The following LRRTM4 variants were observed in gnomAD, a reference collection of about 807,000 sequenced individuals.
LRRTM4 encodes leucine rich repeat transmembrane neuronal 4.
Under a neutral mutation model 47.6 loss-of-function variants are expected in LRRTM4, and 25 were observed. The observed-to-expected ratio is 0.53, with a 90% confidence interval of 0.38 to 0.73. The LOEUF (loss-of-function observed/expected upper bound fraction) is 0.73, where lower values mean the gene tolerates loss of function less well. Among genes scored for constraint, LRRTM4 ranks in the 30% least tolerant of loss-of-function variants. LRRTM4 has a pLI of 0.00. For synonymous variants in LRRTM4, 311 were observed against 269.5 expected, an observed-to-expected ratio of 1.15 and a Z score of -1.51; for missense variants, 638 against 713.4, an observed-to-expected ratio of 0.89 and a Z score of 1.20.
chr2:77,087,792 T>G (rs1259488638), intron 3 of LRRTM4, among the ~76,000 whole-genome samples: 1 of 152,220 alleles, frequency 6.6e-6, no homozygotes, highest in Admixed American at 6.5e-5. Flanking sequence ...AAATAAAATG[T>G]ATACTAAAGA....
chr2:77,276,301 T>C (rs1253213879), intron 3 of LRRTM4, among the ~76,000 whole-genome samples: 1 of 128,050 alleles, frequency 7.8e-6, no homozygotes, highest in East Asian at 2.2e-4. Context: ...TTAAAGCAAG[T>C]GAGAATGAAA....
intron 3 of LRRTM4, among the ~76,000 whole-genome samples, chr2:76,784,359 G>A (rs1674560663): frequency 6.6e-6 from 1 of 151,958 alleles, no homozygotes; most frequent in African/African-American, 2.4e-5. Flanking sequence ...ATAGTCAAAT[G>A]GGTGCAAGAT....
At chr2:77,098,755 T>C (rs895415856) in intron 3 of LRRTM4, among the ~76,000 whole-genome samples, 4 of 151,930 alleles carry the variant, frequency 2.6e-5, no homozygotes, top group African/African-American at 9.7e-5. Context: ...CACAAAAGAT[T>C]AGTTTCCAGA....
chr2:76,948,172 A>G (rs1675384490), intron 3 of LRRTM4, among the ~76,000 whole-genome samples: 2 of 151,868 alleles, frequency 1.3e-5, no homozygotes, highest in South Asian at 2.1e-4. Flanking sequence ...AATGACAAAA[A>G]AAGTAGGACT....
chr2:77,444,687 A>G (rs1675980587), intron 3 of LRRTM4, among the ~76,000 whole-genome samples: 1 of 152,070 alleles, frequency 6.6e-6, no homozygotes, highest in Non-Finnish European at 1.5e-5. Context: ...TCAGCCAAAC[A>G]TGATAATTAC....
chr2:76,794,866 C>A (rs934149911), intron 3 of LRRTM4, among the ~76,000 whole-genome samples: 3 of 147,494 alleles, frequency 2.0e-5, no homozygotes, highest in Admixed American at 1.3e-4. Flanking sequence ...CTCTAGAGGG[C>A]CAACATTTTT....
At chr2:76,850,023 C>G (rs899289698) in intron 3 of LRRTM4, among the ~76,000 whole-genome samples, 2 of 151,670 alleles carry the variant, frequency 1.3e-5, no homozygotes, top group African/African-American at 4.9e-5. Context: ...GTATAAGTGG[C>G]TTATCATTTG....
At chr2:77,328,542 C>T (rs399008) in intron 3 of LRRTM4, among the ~76,000 whole-genome samples, 9,121 of 152,206 alleles carry the variant, frequency 0.06, 503 homozygotes, top group African/African-American at 0.14. Context: ...ACAACCATTT[C>T]ATTAGAAAAT....
intron 3 of LRRTM4, among the ~76,000 whole-genome samples, chr2:76,916,792 T>C (rs1178755179): frequency 6.6e-6 from 1 of 152,248 alleles, no homozygotes; most frequent in Non-Finnish European, 1.5e-5. Context: ...TTTAGAACTA[T>C]CTTTAATATC....
chr2:77,291,027 T>C (rs1314240558), intron 3 of LRRTM4, among the ~76,000 whole-genome samples: 7 of 152,080 alleles, frequency 4.6e-5, no homozygotes, highest in Non-Finnish European at 8.8e-5. Context: ...ATAACCTCCA[T>C]ATTCTGTCCT....
chr2:77,160,498 T>C (rs1367989725), intron 3 of LRRTM4, among the ~76,000 whole-genome samples: 1 of 110,268 alleles, frequency 9.1e-6, no homozygotes, highest in Non-Finnish European at 2.2e-5. Flanking sequence ...CATTGTTTAA[T>C]ATTTAAAAAA....
intron 3 of LRRTM4, among the ~76,000 whole-genome samples, chr2:77,211,310 A>C (rs1467459992): frequency 1.3e-5 from 2 of 152,126 alleles, no homozygotes. Flanking sequence ...GATGAAAGAG[A>C]AGCAGATACT....
At position 77,194,198 on chromosome 2, in the gene LRRTM4, T is replaced by G. The variant is rs563108239; in HGVS notation, c.1551+324120A>C. 1.7e-4 allele frequency among the ~76,000 whole-genome samples: 26 copies of G among 152,302 alleles called. No homozygotes were observed. In the South Asian group the frequency reaches 5.4e-3, roughly 32 times the overall value. On this transcript the variant is annotated intron_variant, in intron 3 of 3. Coordinates refer to ENST00000409884, the MANE Select transcript of LRRTM4 (RefSeq NM_001134745.3). ...AGAAAATATGACTATATCTTGAGTA[T>G]GGCAGAGAAGAAAATAAAGAAAACT...
rs147392777 is a variant in LRRTM4, at chr2:76,993,524, A to T, written c.1552-244608T>A. Reference sequence around the variant, plus strand: ...TGAATAAATTCCAACATTACTAATAATCGGAGAAATGTGAATCAAAACCAC... The same window carrying T: ...TGAATAAATTCCAACATTACTAATATTCGGAGAAATGTGAATCAAAACCAC... On this transcript the variant is annotated intron_variant, in intron 3 of 3. Coordinates refer to ENST00000409884, the MANE Select transcript of LRRTM4 (RefSeq NM_001134745.3). Among the ~76,000 whole-genome samples the T allele has an allele frequency of 8.2e-3, 1,254 of 152,096 alleles. 17 individuals carry two copies. The highest frequency in any genetic ancestry group is 0.011 in the Non-Finnish European group (720 of 67,908).
Position 76,968,383 on chromosome 2 carries a change from T to TACAC in LRRTM4, c.1552-219471_1552-219468dup, listed in dbSNP as rs1553437948. On this transcript the variant is annotated intron_variant, in intron 3 of 3. Transcript: ENST00000409884. ...ATATATATATATATATATATATATA[T>TACAC]ACACATACATACATACATATATATG... Among the ~76,000 whole-genome samples, 250 of 111,384 alleles carry TACAC rather than the reference T, an allele frequency of 2.2e-3. 1 individual carries two copies. The highest frequency in any genetic ancestry group is 5.2e-3 in the Middle Eastern group (1 of 194). The allele number at this position is 111,384 out of a possible 152,430, so 73.1% of individuals were successfully genotyped here.
At chr2:77,362,186 A>G (rs933350317) in intron 3 of LRRTM4, among the ~76,000 whole-genome samples, 5 of 126,138 alleles carry the variant, frequency 4.0e-5, no homozygotes, top group Non-Finnish European at 4.9e-5. Flanking sequence ...AGGAAGGAAG[A>G]GTTCTTAATG....
intron 3 of LRRTM4, among the ~76,000 whole-genome samples, chr2:76,805,489 A>T (rs968940577): frequency 6.6e-6 from 1 of 152,150 alleles, no homozygotes; most frequent in Non-Finnish European, 1.5e-5. Flanking sequence ...TGTAGTGACA[A>T]AGAGTTAGTA....
At chr2:77,171,228 A>G (rs1280145492) in intron 3 of LRRTM4, among the ~76,000 whole-genome samples, 1 of 151,948 alleles carries the variant, frequency 6.6e-6, no homozygotes, top group African/African-American at 2.4e-5. Context: ...AATCATGACA[A>G]TCTGACAATT....
intron 3 of LRRTM4, among the ~76,000 whole-genome samples, chr2:76,916,404 A>AT (rs1674251436): frequency 7.9e-6 from 1 of 126,240 alleles, no homozygotes; most frequent in African/African-American, 2.8e-5. Context: ...AAAAAAAAAA[A>AT]AAAGAAAAGA....
Sources: allele counts gnomAD v4.1 joint callset (sites outside exome capture counted in the v4.1 genomes callset), GRCh38; gene constraint gnomAD v4.1.1; transcripts MANE v1.5; gene names NCBI Gene and HGNC (gene_info 2026-07-23, HGNC 2026-07-21).